Variants in LSAMP observed in about 807,000 individuals in gnomAD.
The protein encoded by LSAMP is limbic system-associated membrane protein.
LSAMP carries 7 observed loss-of-function variants against 38.6 expected under a neutral mutation model. The ratio of observed to expected loss-of-function variants is 0.18; its 90% CI spans 0.10 to 0.34. The LOEUF is 0.34. Ranked by LOEUF, LSAMP falls within the 10% of genes least tolerant of loss-of-function variation. The pLI, the probability that LSAMP is intolerant of heterozygous loss-of-function variation, is 1.00. For synonymous variants in LSAMP, 154 were observed against 166.8 expected (o/e 0.92, Z 0.59); for missense variants, 313 against 420.0 (o/e 0.75, Z 2.23).
At chr3:116,370,697 A>C (rs528280406) in intron 1 of LSAMP, among the ~76,000 whole-genome samples, 2 of 152,298 alleles carry the variant, frequency 1.3e-5, no homozygotes, top group African/African-American at 4.8e-5. Flanking sequence ...GTGCAGACAA[A>C]GAGGTGCCAT....
intron 4 of LSAMP, among the ~76,000 whole-genome samples, chr3:115,843,147 T>C (rs895745310): frequency 3.3e-5 from 5 of 152,220 alleles, no homozygotes; most frequent in African/African-American, 4.8e-5. Flanking sequence ...TTTTATGTGT[T>C]CCCTTATCAC....
intron 1 of LSAMP, among the ~76,000 whole-genome samples, chr3:116,272,862 T>C (rs968824256): frequency 6.6e-6 from 1 of 152,188 alleles, no homozygotes; most frequent in Non-Finnish European, 1.5e-5. Flanking sequence ...GTCTTGGCAA[T>C]AGTAAACTAA....
chr3:116,317,552 T>C (rs2047648489), intron 1 of LSAMP, among the ~76,000 whole-genome samples: 1 of 151,854 alleles, frequency 6.6e-6, no homozygotes, highest in South Asian at 2.1e-4. Context: ...AGACGGAGTT[T>C]CACCGTGTTA....
chr3:116,196,271 T>C (rs776495352), intron 1 of LSAMP, among the ~76,000 whole-genome samples: 2 of 152,206 alleles, frequency 1.3e-5, no homozygotes, highest in Non-Finnish European at 2.9e-5. Flanking sequence ...CATTTCATTA[T>C]AGCAACTAGA....
intron 1 of LSAMP, among the ~76,000 whole-genome samples, chr3:116,157,404 G>T (rs956983882): frequency 6.6e-6 from 1 of 152,062 alleles, no homozygotes; most frequent in African/African-American, 2.4e-5. Context: ...TTCTTCTCTG[G>T]TTATGTTCCC....
chr3:115,939,074 G>T (rs1343217375), intron 3 of LSAMP, among the ~76,000 whole-genome samples: 1 of 152,102 alleles, frequency 6.6e-6, no homozygotes, highest in Non-Finnish European at 1.5e-5. Context: ...TTTGACCTTA[G>T]AAACTGGTAC....
intron 2 of LSAMP, among the ~76,000 whole-genome samples, chr3:116,079,631 C>CAAAAAAAAA: frequency 1.2e-5 from 1 of 86,084 alleles, no homozygotes; most frequent in Non-Finnish European, 2.3e-5. Flanking sequence ...GACTCTGTCT[C>CAAAAAAAAA]AAAAAAAAAA....
Position 116,238,405 on chromosome 3 carries a change from C to G in LSAMP, c.156-151849G>C, listed in dbSNP as rs1028496003. ...TAGCTGCCGTTTTGAAAACATTTTT[C>G]AAATGTTTAAATATTCATGCATAAT... On this transcript the variant is annotated intron_variant, in intron 1 of 6. Transcript: ENST00000490035. 3.1e-4 allele frequency among the ~76,000 whole-genome samples: 47 copies of G among 152,128 alleles called. 1 individual carries two copies.
At chr3:115,930,002 G>GATTTTTTTTT (rs1937554601) in intron 3 of LSAMP, among the ~76,000 whole-genome samples, 1 of 80,292 alleles carries the variant, frequency 1.2e-5, no homozygotes, top group Non-Finnish European at 2.2e-5. Flanking sequence ...TTTAGCAGAA[G>GATTTTTTTTT]TTTTTTTTTT....
At chr3:116,236,486 A>T (rs2046467079) in intron 1 of LSAMP, among the ~76,000 whole-genome samples, 1 of 152,094 alleles carries the variant, frequency 6.6e-6, no homozygotes, top group African/African-American at 2.4e-5. Context: ...TCTGACCTTC[A>T]TCTTGATTTT....
chr3:115,960,884 A>G (rs1938603829), intron 3 of LSAMP, among the ~76,000 whole-genome samples: 1 of 152,218 alleles, frequency 6.6e-6, no homozygotes, highest in Non-Finnish European at 1.5e-5. Context: ...TCAAAATGAA[A>G]CAGCTATCAA....
chr3:115,858,665 C>T (rs893275290), intron 3 of LSAMP, among the ~76,000 whole-genome samples: 18 of 152,030 alleles, frequency 1.2e-4, no homozygotes, highest in Admixed American at 3.3e-4. Flanking sequence ...TAAACACAAA[C>T]ATACATACAG....
chr3:115,872,175 G>A (rs186999516), intron 3 of LSAMP, among the ~76,000 whole-genome samples: 1 of 152,216 alleles, frequency 6.6e-6, no homozygotes, highest in African/African-American at 2.4e-5. Flanking sequence ...CACAAGAATG[G>A]GTGAAGAAGT....
At chr3:116,435,627 G>C (rs964234910) in intron 1 of LSAMP, among the ~76,000 whole-genome samples, 3 of 152,120 alleles carry the variant, frequency 2.0e-5, no homozygotes, top group Admixed American at 2.0e-4. Context: ...TCAGGAGCCA[G>C]AGCTGGATCT....
intron 3 of LSAMP, among the ~76,000 whole-genome samples, chr3:115,913,407 T>G (rs989736826): frequency 1.3e-5 from 2 of 152,198 alleles, no homozygotes; most frequent in Admixed American, 1.3e-4. Context: ...ATGGTCTTTT[T>G]GACCTGCAAG....
intron 3 of LSAMP, among the ~76,000 whole-genome samples, chr3:116,012,465 T>C (rs549903363): frequency 4.6e-5 from 7 of 152,292 alleles, no homozygotes; most frequent in African/African-American, 1.4e-4. Context: ...ATATTTACTG[T>C]TATATAACCA....
intron 1 of LSAMP, among the ~76,000 whole-genome samples, chr3:116,324,101 T>G (rs1427453083): frequency 6.6e-6 from 1 of 152,166 alleles, no homozygotes; most frequent in African/African-American, 2.4e-5. Context: ...GCTTTGGTAT[T>G]GTTTATTTGA....
intron 1 of LSAMP, among the ~76,000 whole-genome samples, chr3:116,352,574 G>A (rs1054713122): frequency 6.6e-6 from 1 of 152,072 alleles, no homozygotes; most frequent in Admixed American, 6.6e-5. Flanking sequence ...CTCTAATGTG[G>A]AAATAGTCTC....
chr3:116,221,264 C>T (rs1349835846), intron 1 of LSAMP, among the ~76,000 whole-genome samples: 1 of 151,598 alleles, frequency 6.6e-6, no homozygotes, highest in Non-Finnish European at 1.5e-5. Flanking sequence ...TTAAAATTTG[C>T]CTAGAGAAAA....
Sources: gnomAD v4.1 joint callset for allele counts (sites outside exome capture counted in the v4.1 genomes callset) on GRCh38, gnomAD v4.1.1 for gene constraint, MANE v1.5 for transcripts, NCBI Gene and HGNC (gene_info 2026-07-23, HGNC 2026-07-21) for gene names.